Variants in DMD observed in about 807,000 individuals in gnomAD.
DMD encodes dystrophin.
Under a neutral mutation model 330.1 loss-of-function variants are expected in DMD, and 63 were observed. The observed-to-expected ratio is 0.19, with a 90% confidence interval of 0.16 to 0.24. The LOEUF (loss-of-function observed/expected upper bound fraction) is 0.24, where lower values mean the gene tolerates loss of function less well. DMD is among the 10% of genes least tolerant of loss of function. The pLI is 1.00. For synonymous variants in DMD, 1,223 were observed against 959.8 expected, an observed-to-expected ratio of 1.27 and a Z score of -5.07; for missense variants, 3,344 against 2,684.1, an observed-to-expected ratio of 1.25 and a Z score of -5.43.
At chrX:32,418,972 C>CA (rs1160282195) in intron 29 of DMD, among the ~76,000 whole-genome samples, 1,539 of 13,394 alleles carry the variant, frequency 0.11, 319 homozygotes, top group African/African-American at 0.25. Flanking sequence ...GACTCTGTCT[C>CA]AAAAAAAAAA....
chrX:31,778,245 T>C (rs1275161409), intron 50 of DMD, among the ~76,000 whole-genome samples: 1 of 111,891 alleles, frequency 8.9e-6, no homozygotes, highest in Non-Finnish European at 1.9e-5. Flanking sequence ...TAAATCTAGT[T>C]ATCACTAGGA....
intron 1 of DMD, among the ~76,000 whole-genome samples, chrX:33,321,231 T>C (rs1201933097): frequency 9.0e-6 from 1 of 111,602 alleles, no homozygotes; most frequent in Non-Finnish European, 1.9e-5. Flanking sequence ...TCAGAAGATT[T>C]ATTATTTACA....
intron 44 of DMD, among the ~76,000 whole-genome samples, chrX:32,143,864 A>G (rs1278392961): frequency 9.1e-6 from 1 of 109,864 alleles, no homozygotes. Context: ...ATACATCTTT[A>G]TATGTTTACT....
intron 11 of DMD, 87 bp downstream of exon 11, chrX:32,644,045 C>T (rs1022214835): frequency 7.4e-6 from 6 of 809,486 alleles, no homozygotes; most frequent in Admixed American, 5.6e-5. Context: ...AACTGAGAAT[C>T]GTAACTTAAC....
chrX:32,349,393 T>G (rs1235297487), intron 37 of DMD, among the ~76,000 whole-genome samples: 12 of 111,622 alleles, frequency 1.1e-4, no homozygotes, highest in Non-Finnish European at 1.9e-5. Context: ...GAACATATTT[T>G]ATATGGGATA....
chrX:33,289,602 ATAT>A (rs1227728393), intron 1 of DMD, among the ~76,000 whole-genome samples: 1 of 111,803 alleles, frequency 8.9e-6, no homozygotes, highest in Non-Finnish European at 1.9e-5. Context: ...TGAATTCATA[ATAT>A]AAGACATTTT....
intron 44 of DMD, among the ~76,000 whole-genome samples, chrX:32,120,043 T>C (rs925408785): frequency 8.9e-6 from 1 of 112,246 alleles, no homozygotes; most frequent in Admixed American, 9.5e-5. Context: ...TAGTTGATAG[T>C]TGATAACTTT....
chrX:32,111,833 T>C lies in DMD; in HGVS notation c.6438+105083A>G, dbSNP rs763117616. Among the ~76,000 whole-genome samples the C allele has an allele frequency of 3.6e-5, 4 of 111,827 alleles. 1 individual carries two copies. The South Asian group carries it at 1.5e-3, about 42-fold the overall frequency. Reference sequence around the variant, plus strand: ...CTGCAGCAAGTGCTTCTCCAGGTGATTTAATTACCAATAATCTTTTTAAAA... The same window carrying C: ...CTGCAGCAAGTGCTTCTCCAGGTGACTTAATTACCAATAATCTTTTTAAAA... On this transcript the variant is annotated intron_variant, in intron 44 of 78. Transcript: ENST00000357033.
intron 1 of DMD, among the ~76,000 whole-genome samples, chrX:33,177,263 T>A (rs1273144130): frequency 8.9e-6 from 1 of 112,486 alleles, no homozygotes; most frequent in African/African-American, 3.2e-5. Flanking sequence ...TCCCAGCAGC[T>A]AGGGGATGGG....
chrX:32,366,684 T>C (rs546452607), intron 34 of DMD, among the ~76,000 whole-genome samples: 48 of 111,990 alleles, frequency 4.3e-4, no homozygotes, highest in Non-Finnish European at 3.9e-4. Flanking sequence ...TAAGTAGTCC[T>C]GTGGCTGTCT....
At chrX:32,949,027 T>G (rs1324338996) in intron 2 of DMD, among the ~76,000 whole-genome samples, 1 of 111,029 alleles carries the variant, frequency 9.0e-6, no homozygotes, top group Non-Finnish European at 1.9e-5. Context: ...TATTAGATCA[T>G]GATGTTCTGT....
chrX:32,937,542 C>T (rs1371621302), intron 2 of DMD, among the ~76,000 whole-genome samples: 1 of 104,253 alleles, frequency 9.6e-6, no homozygotes, highest in African/African-American at 3.5e-5. Flanking sequence ...TTAACTAAAC[C>T]CCCCTGTTTC....
intron 41 of DMD, among the ~76,000 whole-genome samples, chrX:32,312,354 A>G (rs2405690): frequency 0.058 from 6,481 of 111,184 alleles, 477 homozygotes; most frequent in African/African-American, 0.2. Context: ...CTTCTTTGAT[A>G]TGTAGTTTTC....
intron 60 of DMD, among the ~76,000 whole-genome samples, chrX:31,364,968 G>A (rs761311408): frequency 1.2e-4 from 13 of 108,720 alleles, no homozygotes; most frequent in South Asian, 4.1e-4. Flanking sequence ...GGTGGCGGGC[G>A]CCTGTAATCC....
chrX:33,241,616 A>G (rs1569559070), intron 1 of DMD, among the ~76,000 whole-genome samples: 1 of 112,492 alleles, frequency 8.9e-6, no homozygotes, highest in Non-Finnish European at 1.9e-5. Context: ...AGCTTTGGGT[A>G]GTGTAGGAAT....
intron 47 of DMD, among the ~76,000 whole-genome samples, chrX:31,889,641 TCTCTCTCACA>T (rs1478129965): frequency 2.9e-5 from 2 of 68,722 alleles, no homozygotes; most frequent in African/African-American, 1.3e-4. Flanking sequence ...TCTCTCTCTC[TCTCTCTCACA>T]CACACACACA....
At chrX:31,422,196 G>C (rs1288962428) in intron 60 of DMD, among the ~76,000 whole-genome samples, 1 of 108,404 alleles carries the variant, frequency 9.2e-6, no homozygotes, top group Non-Finnish European at 1.9e-5. Flanking sequence ...TTTTAGTAGA[G>C]ACGGGGTTTC....
At chrX:33,197,996 T>C (rs926296035) in intron 1 of DMD, among the ~76,000 whole-genome samples, 1 of 111,583 alleles carries the variant, frequency 9.0e-6, no homozygotes, top group African/African-American at 3.3e-5. Flanking sequence ...ACTCCTAAAC[T>C]GTTTTCTAGA....
At chrX:31,826,647 A>T (rs1010095245) in intron 49 of DMD, among the ~76,000 whole-genome samples, 1 of 112,394 alleles carries the variant, frequency 8.9e-6, no homozygotes, top group Admixed American at 9.4e-5. Context: ...GCAGTGCTCA[A>T]TAGAAATCTG....
Sources: gnomAD v4.1 joint callset for allele counts (sites outside exome capture counted in the v4.1 genomes callset) on GRCh38, gnomAD v4.1.1 for gene constraint, MANE v1.5 for transcripts, NCBI Gene and HGNC (gene_info 2026-07-23, HGNC 2026-07-21) for gene names.